The following ZNF157 variants were observed in gnomAD, a reference collection of about 807,000 sequenced individuals.
The protein encoded by ZNF157 is zinc finger protein 157.
A neutral mutation model predicts 9.4 loss-of-function variants in ZNF157; 8 were observed. The observed-to-expected ratio is 0.85, with a 90% confidence interval of 0.50 to 1.53. The LOEUF is 1.53. Ranked by LOEUF, ZNF157 falls within the 40% of genes most tolerant of loss-of-function variation. The pLI is 0.00. For synonymous variants in ZNF157, 120 were observed against 130.8 expected (o/e 0.92, Z 0.56); for missense variants, 316 against 385.2 (o/e 0.82, Z 1.50).
chrX:47,385,544 C>CGTGTGTGTGTGTGTGT (rs10687283), intron 1 of ZNF157, among the ~76,000 whole-genome samples: 7 of 90,372 alleles, frequency 7.7e-5, no homozygotes, highest in South Asian at 1.3e-3. Context: ...TAAGCGATTC[C>CGTGTGTGTGTGTGTGT]GTGTGTGTGT....
Position 47,413,560 on chromosome X carries a change from C to T in ZNF157, c.1487C>T (p.Ser496Phe). The T allele has an allele frequency of 8.3e-7, 1 of 1,203,802 alleles. No homozygotes were observed. Among genetic ancestry groups the T allele is most frequent in the Non-Finnish European group, 1.1e-6 (1 of 890,902 alleles). The stretch of plus-strand genomic sequence containing the variant: ...CATCAGAGAACTCACATAGGCTGGT[C>T]CTGGCGTTGTACAATGAAGAAAGCC... ...TEHQRTHIGWSWRCTMKKASH is the reference protein window; with the variant it reads ...TEHQRTHIGWFWRCTMKKASH Residue 496 changes from serine to phenylalanine, a missense_variant, in exon 4 of 4, where the codon TCC becomes TTC. Around this residue, in one of 3 missense-constraint regions of ZNF157, gnomAD observed 167 missense variants for 183.6 expected, o/e 0.91. Coordinates refer to ENST00000377073, the MANE Select transcript of ZNF157 (RefSeq NM_003446.4).
At chrX:47,382,609 T>A (rs1259868114) in intron 1 of ZNF157, among the ~76,000 whole-genome samples, 3 of 107,606 alleles carry the variant, frequency 2.8e-5, no homozygotes, top group Non-Finnish European at 5.8e-5. Context: ...TTTTTTTTTT[T>A]AATCTTTGTA....
At chrX:47,374,390 A>G (rs990510782) in intron 1 of ZNF157, among the ~76,000 whole-genome samples, 4 of 99,673 alleles carry the variant, frequency 4.0e-5, no homozygotes, top group African/African-American at 1.5e-4. Context: ...CAGAATTAAT[A>G]GACAATCTTT....
intron 1 of ZNF157, among the ~76,000 whole-genome samples, chrX:47,406,738 A>G (rs2055948476): frequency 8.9e-6 from 1 of 112,436 alleles, no homozygotes; most frequent in South Asian, 3.6e-4. Flanking sequence ...GCTTCTTTGT[A>G]GATTCCTTAG....
At chrX:47,382,092 A>T (rs898920812) in intron 1 of ZNF157, among the ~76,000 whole-genome samples, 1 of 109,757 alleles carries the variant, frequency 9.1e-6, no homozygotes. Flanking sequence ...CTTTTCACTG[A>T]ATACATAATT....
At chrX:47,377,452 T>A (rs1295652774) in intron 1 of ZNF157, among the ~76,000 whole-genome samples, 1 of 110,664 alleles carries the variant, frequency 9.0e-6, no homozygotes, top group Non-Finnish European at 1.9e-5. Context: ...GTCAGCTTTT[T>A]AATTAATTAA....
At chrX:47,409,301 G>T (rs2055956196) in intron 1 of ZNF157, among the ~76,000 whole-genome samples, 1 of 111,782 alleles carries the variant, frequency 8.9e-6, no homozygotes, top group Admixed American at 9.6e-5. Context: ...TTCTCCCACA[G>T]AACAGCACTT....
Position 47,413,191 on chromosome X carries a change from T to G in ZNF157, c.1118T>G (p.Leu373Arg). Residue 373 changes from leucine (L) to arginine (R), a missense_variant, in exon 4 of 4, where the codon CTT becomes CGT. Leu to Arg is a moderately radical substitution (Grantham distance 102, BLOSUM62 -2). This residue lies in a region of ZNF157 where 167 missense variants were observed against 183.6 expected (regional missense o/e 0.91). Coordinates refer to ENST00000377073, the MANE Select transcript of ZNF157 (RefSeq NM_003446.4). ...CGKSFRVHSS[L>R]GIHQRIHTGE... ...AAATCTTTCAGGGTGCACTCATCTC[T>G]TGGGATCCATCAGAGAATTCACACA... 8.3e-7 allele frequency: 1 copy of G among 1,211,916 alleles called. No individual in the cohort carries two copies. Among genetic ancestry groups the G allele is most frequent in the East Asian group, 3.0e-5 (1 of 33,837 alleles).
In ZNF157 at chrX:47,410,275, G is replaced by A. The variant is rs775065454; in HGVS notation, c.73-1G>A. On this transcript the variant is annotated splice_acceptor_variant, in intron 1 of 3. Coordinates refer to ENST00000377073, the MANE Select transcript of ZNF157 (RefSeq NM_003446.4). LOFTEE classifies it high-confidence loss of function. The stretch of plus-strand genomic sequence containing the variant: ...CTGATCATTGGAGATTGTTATTACA[G>A]GGGTCCGTGTCATTCGAGGATGTGG... 1.7e-6 allele frequency: 2 copies of A among 1,211,248 alleles called. No homozygotes were observed. Among genetic ancestry groups the A allele is most frequent in the Non-Finnish European group, 2.2e-6 (2 of 895,388 alleles).
rs776883077 is a variant in ZNF157, at chrX:47,412,650, G to A, written c.577G>A (p.Gly193Ser). The A allele has an allele frequency of 1.5e-5, 18 of 1,209,065 alleles. No individual in the cohort carries two copies. Among genetic ancestry groups the A allele is most frequent in the Admixed American group, 8.8e-5 (4 of 45,579 alleles). Residue 193 changes from glycine to serine, a missense_variant, in exon 4 of 4, where the codon GGT (glycine) becomes AGT (serine). Gly to Ser is a moderately conservative substitution (Grantham distance 56). Coordinates refer to ENST00000377073, the MANE Select transcript of ZNF157 (RefSeq NM_003446.4). ...IHTGERPYECGECAKTFSARS... is the reference protein window; with the variant it reads ...IHTGERPYECSECAKTFSARS... ...CACAGGAGAGAGACCCTATGAATGCGGTGAATGTGCAAAAACCTTCAGTGC... is the reference window on the plus strand; with the variant it reads ...CACAGGAGAGAGACCCTATGAATGCAGTGAATGTGCAAAAACCTTCAGTGC...
chrX:47,412,576 G>T lies in ZNF157; in HGVS notation c.503G>T (p.Gly168Val). 1 of 1,212,094 alleles carries T rather than the reference G, an allele frequency of 8.3e-7. No homozygotes were observed. The highest frequency in any genetic ancestry group is 1.1e-6 in the Non-Finnish European group (1 of 895,575). Residue 168 changes from glycine to valine, a missense_variant, in exon 4 of 4, where the codon GGG (glycine) becomes GTG (valine). Transcript: ENST00000377073. ...GDKNFECHEC[G>V]KAYCRKSNLV... The stretch of plus-strand genomic sequence containing the variant: ...AAAAACTTTGAATGTCATGAATGTG[G>T]GAAAGCTTACTGTAGGAAGTCAAAC...
Position 47,373,845 on chromosome X carries a change from G to A in ZNF157, c.72+3105G>A, listed in dbSNP as rs776488240. On this transcript the variant is annotated intron_variant, in intron 1 of 3. Transcript: ENST00000377073. ...TAGGACCACAGGTGTGTGCCACCAC[G>A]CCCGGCTAATTAAAAAAAATTTTTT... is the stretch of plus-strand genomic sequence containing the variant. Among the ~76,000 whole-genome samples the A allele has an allele frequency of 4.5e-3, 405 of 90,540 alleles. 6 individuals are homozygous for A. Among genetic ancestry groups the A allele is most frequent in the African/African-American group, 0.017 (385 of 23,098 alleles). The allele number at this position is 90,540 out of a possible 115,157, so 78.6% of individuals were successfully genotyped here. A position where few individuals can be genotyped will look rare whatever the true frequency, so the allele number is the denominator to read the frequency against.
chrX:47,384,522 C>T (rs2055873731), intron 1 of ZNF157, among the ~76,000 whole-genome samples: 1 of 112,256 alleles, frequency 8.9e-6, no homozygotes, highest in South Asian at 3.7e-4. Flanking sequence ...TGGAATGTTT[C>T]CCCTCTCTAG....
chrX:47,376,154 C>T (rs183379886), intron 1 of ZNF157, among the ~76,000 whole-genome samples: 17 of 112,042 alleles, frequency 1.5e-4, no homozygotes, highest in Non-Finnish European at 2.4e-4. Flanking sequence ...TTTGCTTATT[C>T]CTTCACCTAC....
chrX:47,381,044 AAG>A (rs1409382784), intron 1 of ZNF157, among the ~76,000 whole-genome samples: 6 of 89,486 alleles, frequency 6.7e-5, no homozygotes, highest in African/African-American at 1.7e-4. Context: ...GAGGAGGAGA[AAG>A]AGAAGGAGGA....
chrX:47,408,600 TAGAGAC>T (rs1332443639), intron 1 of ZNF157, among the ~76,000 whole-genome samples: 1 of 110,643 alleles, frequency 9.0e-6, no homozygotes, highest in Non-Finnish European at 1.9e-5. Flanking sequence ...TGTTTGTTTG[TAGAGAC>T]AGGATTTCAC....
intron 1 of ZNF157, among the ~76,000 whole-genome samples, chrX:47,379,121 TTTC>T (rs1461219626): frequency 1.8e-5 from 2 of 110,810 alleles, no homozygotes; most frequent in Non-Finnish European, 3.8e-5. Context: ...CTGTTTTTTT[TTTC>T]TTTCACAGGT....
intron 1 of ZNF157, among the ~76,000 whole-genome samples, chrX:47,394,327 T>C (rs2055907316): frequency 9.0e-6 from 1 of 111,335 alleles, no homozygotes; most frequent in Admixed American, 9.7e-5. Flanking sequence ...ATTATAGGCA[T>C]GAGCCACTGC....
At chrX:47,405,221 C>T (rs187848210) in intron 1 of ZNF157, among the ~76,000 whole-genome samples, 203 of 110,862 alleles carry the variant, frequency 1.8e-3, no homozygotes, top group Non-Finnish European at 2.9e-3. Flanking sequence ...AACCCCATTT[C>T]TACTAAAAAT....
Sources: allele counts gnomAD v4.1 joint callset (sites outside exome capture counted in the v4.1 genomes callset), GRCh38; gene constraint gnomAD v4.1.1; regional missense constraint gnomAD v4.1.1; transcripts MANE v1.5; gene names NCBI Gene and HGNC (gene_info 2026-07-23, HGNC 2026-07-21).